NUDT3: variants seen among roughly 807,000 people sequenced by gnomAD.
The protein encoded by NUDT3 is nudix hydrolase 3.
A neutral mutation model predicts 23.6 loss-of-function variants in NUDT3; 9 were observed. The observed-to-expected ratio is 0.38, with a 90% CI of 0.23 to 0.66. NUDT3 has a LOEUF of 0.66. Among genes scored for constraint, NUDT3 ranks in the 30% least tolerant of loss-of-function variants. NUDT3 has a pLI of 0.52. For missense variants in NUDT3, 172 were observed against 218.5 expected (o/e 0.79, Z 1.34); for synonymous variants, 86 against 82.6 (o/e 1.04, Z -0.22).
intron 2 of NUDT3, among the ~76,000 whole-genome samples, chr6:34,316,638 C>T (rs1461162592): frequency 2.0e-5 from 3 of 152,206 alleles, no homozygotes; most frequent in Non-Finnish European, 4.4e-5. Flanking sequence ...TCTCTCTCCT[C>T]CAGGTTTAAT....
chr6:34,315,908 G>C (rs550513772), intron 2 of NUDT3, among the ~76,000 whole-genome samples: 3 of 152,120 alleles, frequency 2.0e-5, no homozygotes, highest in Non-Finnish European at 4.4e-5. Context: ...CTTTCTTCCT[G>C]CTTTCATAAA....
chr6:34,323,376 G>A (rs1020217421), intron 2 of NUDT3, among the ~76,000 whole-genome samples: 1 of 152,152 alleles, frequency 6.6e-6, no homozygotes, highest in Non-Finnish European at 1.5e-5. Context: ...AGACCAGCCT[G>A]GGAAACATGG....
At position 34,331,473 on chromosome 6, in the gene NUDT3, C is replaced by A. The variant is rs985957191; in HGVS notation, c.210+10389G>T. On this transcript the variant is annotated intron_variant, in intron 2 of 4. Coordinates refer to ENST00000607016, the MANE Select transcript of NUDT3 (RefSeq NM_006703.4). ...AACTTGAAGGAGGGCAGCAAAGATA[C>A]AGGGAAATCTAAGCAGATATCACCA... Among the ~76,000 whole-genome samples, 6 of 152,110 alleles carry A rather than the reference C, an allele frequency of 3.9e-5. No individual in the cohort carries two copies. In the South Asian group the frequency reaches 8.3e-4, roughly 21 times the overall value.
intron 2 of NUDT3, among the ~76,000 whole-genome samples, chr6:34,333,453 T>G (rs1278575695): frequency 6.7e-6 from 1 of 150,198 alleles, no homozygotes; most frequent in Non-Finnish European, 1.5e-5. Context: ...TGATAACCTA[T>G]GAACTAACAA....
chr6:34,321,103 A>T (rs1195772951), intron 2 of NUDT3, among the ~76,000 whole-genome samples: 1 of 152,106 alleles, frequency 6.6e-6, no homozygotes, highest in Non-Finnish European at 1.5e-5. Flanking sequence ...TGACTGGCAC[A>T]TAGGGTCCAA....
At chr6:34,310,017 G>A (rs1396888900) in intron 2 of NUDT3, among the ~76,000 whole-genome samples, 1 of 152,032 alleles carries the variant, frequency 6.6e-6, no homozygotes, top group Non-Finnish European at 1.5e-5. Context: ...AGGACTGCTT[G>A]AGGCCAGAAG....
At chr6:34,307,100 G>A (rs936984873) in intron 2 of NUDT3, among the ~76,000 whole-genome samples, 1 of 152,012 alleles carries the variant, frequency 6.6e-6, no homozygotes, top group African/African-American at 2.4e-5. Context: ...TCAAGTCAAA[G>A]GAGAAAAAAG....
chr6:34,380,967 A>G (rs902807870), intron 1 of NUDT3, among the ~76,000 whole-genome samples: 3 of 152,054 alleles, frequency 2.0e-5, no homozygotes, highest in African/African-American at 7.2e-5. Flanking sequence ...AGGCTTCTCC[A>G]ATTCCTATAA....
chr6:34,297,731 A>AAAATATATATC (rs1554149026), intron 2 of NUDT3, among the ~76,000 whole-genome samples: 1 of 26,562 alleles, frequency 3.8e-5, no homozygotes, highest in Non-Finnish European at 6.4e-5. Context: ...AAAAAAAAAA[A>AAAATATATATC]TATATATATA....
At chr6:34,388,770 C>G (rs148115304) in intron 1 of NUDT3, among the ~76,000 whole-genome samples, 9 of 152,138 alleles carry the variant, frequency 5.9e-5, no homozygotes, top group Admixed American at 2.0e-4. Flanking sequence ...TTTGTTGTTT[C>G]TCATACATGT....
chr6:34,356,324 C>T (rs1764560815), intron 1 of NUDT3, among the ~76,000 whole-genome samples: 1 of 152,164 alleles, frequency 6.6e-6, no homozygotes, highest in African/African-American at 2.4e-5. Flanking sequence ...TAGTTGTTCA[C>T]AATATTCCCT....
chr6:34,346,921 A>G (rs1372329460), intron 1 of NUDT3, among the ~76,000 whole-genome samples: 3 of 152,072 alleles, frequency 2.0e-5, no homozygotes, highest in Admixed American at 6.6e-5. Context: ...ATGCTCGGCT[A>G]ATTTTTAAAT....
chr6:34,330,442 T>C (rs1008159367), intron 2 of NUDT3, among the ~76,000 whole-genome samples: 3 of 152,216 alleles, frequency 2.0e-5, no homozygotes, highest in African/African-American at 7.2e-5. Flanking sequence ...GCTGCGTAAA[T>C]GTAGAAGATA....
chr6:34,369,777 G>A (rs186806401), intron 1 of NUDT3, among the ~76,000 whole-genome samples: 7 of 151,964 alleles, frequency 4.6e-5, no homozygotes, highest in Non-Finnish European at 8.8e-5. Context: ...CACAAACAGA[G>A]CAGATGCCTG....
At chr6:34,361,122 C>G (rs1441016067) in intron 1 of NUDT3, among the ~76,000 whole-genome samples, 1 of 152,072 alleles carries the variant, frequency 6.6e-6, no homozygotes, top group Non-Finnish European at 1.5e-5. Context: ...ACTTGGGAAG[C>G]TGGGGTGGGA....
rs1460229289 is a variant in NUDT3, at chr6:34,299,621, A to T, written c.211-3936T>A. 3.4e-4 allele frequency among the ~76,000 whole-genome samples: 49 copies of T among 143,322 alleles called. No homozygotes were observed. In the South Asian group the frequency reaches 4.4e-3, roughly 13 times the overall value. The allele number at this position is 143,322 out of a possible 152,430, so 94.0% of individuals were successfully genotyped here. ...TTGAATTTTTTTTTTTTTTTTTTTT[A>T]AAGTCCAGGTGTGGTGACTCACGCC... On this transcript the variant is annotated intron_variant, in intron 2 of 4. Coordinates refer to ENST00000607016, the MANE Select transcript of NUDT3 (RefSeq NM_006703.4).
intron 2 of NUDT3, among the ~76,000 whole-genome samples, chr6:34,330,609 C>A (rs1265982709): frequency 2.0e-5 from 3 of 151,958 alleles, no homozygotes; most frequent in East Asian, 1.9e-4. Context: ...CCAGCCTGGG[C>A]AACATGGTGG....
intron 1 of NUDT3, among the ~76,000 whole-genome samples, chr6:34,342,524 C>A (rs1764304479): frequency 1.3e-5 from 2 of 152,152 alleles, no homozygotes; most frequent in African/African-American, 4.8e-5. Flanking sequence ...ATTCTCTTGG[C>A]CACATGAGAA....
At chr6:34,354,394 AACAC>A (rs370168110) in intron 1 of NUDT3, among the ~76,000 whole-genome samples, 2,626 of 137,666 alleles carry the variant, frequency 0.019, 51 homozygotes, top group African/African-American at 0.054. Context: ...GATTTCATTA[AACAC>A]ACACACACAC....
Sources: allele counts gnomAD v4.1 joint callset (sites outside exome capture counted in the v4.1 genomes callset), GRCh38; gene constraint gnomAD v4.1.1; transcripts MANE v1.5; gene names NCBI Gene and HGNC (gene_info 2026-07-23, HGNC 2026-07-21).